Variants in BRCA1 observed in about 807,000 individuals in gnomAD.
BRCA1 encodes the protein BRCA1 DNA repair associated.
Under a neutral mutation model 173.7 loss-of-function variants are expected in BRCA1, and 140 were observed. That is an observed-to-expected ratio of 0.81 (90% CI 0.70 to 0.93). The LOEUF (loss-of-function observed/expected upper bound fraction) is 0.93. BRCA1 is among the 40% of genes least tolerant of loss of function. The probability of loss-of-function intolerance (pLI) is 0.00; values close to 1 mark genes in which losing one functional copy is unlikely to be tolerated. For missense variants in BRCA1, 1,983 were observed against 2,172.5 expected, an observed-to-expected ratio of 0.91 and a Z score of 1.73; for synonymous variants, 662 against 756.0, an observed-to-expected ratio of 0.88 and a Z score of 2.04.
chr17:43,108,605 T>C (rs1414925411), intron 3 of BRCA1, among the ~76,000 whole-genome samples: 1 of 144,694 alleles, frequency 6.9e-6, no homozygotes, highest in Non-Finnish European at 1.5e-5. Flanking sequence ...CTTGGGAGGC[T>C]GAGGCATGAG....
In BRCA1 at chr17:43,044,539, C is replaced by T. The variant is rs746187092; in HGVS notation, c.*1139G>A. The stretch of plus-strand genomic sequence containing the variant: ...AACAGGGAGCAAAGGAAAAAAATCA[C>T]CTCAAAGAAAGCAACAGCTTCCTTC... On this transcript the variant is annotated 3_prime_UTR_variant, in exon 23 of 23. Transcript: ENST00000357654. 6 of 506,382 alleles carry T rather than the reference C, an allele frequency of 1.2e-5. No individual in the cohort carries two copies. Among genetic ancestry groups the T allele is most frequent in the Non-Finnish European group, 1.9e-5 (5 of 258,518 alleles). 31.4% of individuals were successfully genotyped at this position (506,382 alleles called of 1,614,324 possible). A position where few individuals can be genotyped will look rare whatever the true frequency, so the allele number is the denominator to read the frequency against.
chr17:43,048,497 A>C (rs1597800474), intron 21 of BRCA1, among the ~76,000 whole-genome samples: 2 of 141,162 alleles, frequency 1.4e-5, no homozygotes, highest in Admixed American at 1.4e-4. Context: ...GAGCCACCGC[A>C]CCTAGCTTTT....
At chr17:43,103,121 G>A (rs2154546347) in intron 6 of BRCA1, among the ~76,000 whole-genome samples, 1 of 152,254 alleles carries the variant, frequency 6.6e-6, no homozygotes, top group Middle Eastern at 3.4e-3. Flanking sequence ...GGCTATTTTA[G>A]ATAAGCATCA....
At chr17:43,126,996 C>T, upstream of BRCA1, among the ~76,000 whole-genome samples, 1 of 152,202 alleles carries the variant, frequency 6.6e-6, no homozygotes, top group Non-Finnish European at 1.5e-5. Flanking sequence ...CCGGGTCCCC[C>T]AGCACTGCCG....
In BRCA1 at chr17:43,079,680, T is replaced by G. The variant is rs922380951; in HGVS notation, c.4357+2724A>C. ...AAAGAGAAAGGTACGTGGGTTCAACTGAAGCACCAGCCTGCTCCACCCAGA... is the reference window on the plus strand; with the variant it reads ...AAAGAGAAAGGTACGTGGGTTCAACGGAAGCACCAGCCTGCTCCACCCAGA... On this transcript the variant is annotated intron_variant, in intron 12 of 22. Transcript: ENST00000357654. The G allele has an allele frequency of 6.8e-6, 7 of 1,031,406 alleles. No individual in the cohort carries two copies. In the African/African-American group the frequency reaches 7.8e-5, roughly 12 times the overall value. The allele number at this position is 1,031,406 out of a possible 1,614,324, so 63.9% of individuals were successfully genotyped here. A position where few individuals can be genotyped will look rare whatever the true frequency, so the allele number is the denominator to read the frequency against.
At chr17:43,152,238 T>C (rs761011144) in intron 1 of BRCA1, among the ~76,000 whole-genome samples, 1 of 152,190 alleles carries the variant, frequency 6.6e-6, no homozygotes, top group Non-Finnish European at 1.5e-5. Context: ...CTCTCTTTAT[T>C]TTTGGTTATG....
At chr17:43,144,365 C>T (rs1567831265) in intron 1 of BRCA1, 1 of 175,000 alleles carries the variant, frequency 5.7e-6, no homozygotes, top group Non-Finnish European at 1.2e-5. Flanking sequence ...GCCCAGTGAT[C>T]CTATGAGAGG....
At chr17:43,120,491 C>A (rs573541495) in intron 2 of BRCA1, among the ~76,000 whole-genome samples, 3 of 152,170 alleles carry the variant, frequency 2.0e-5, no homozygotes, top group Non-Finnish European at 4.4e-5. Context: ...TAAGGCCGGG[C>A]GCGGTGGCTC....
At position 43,107,062 on chromosome 17, in the gene BRCA1, A is replaced by ATTTT. The variant is rs35202419; in HGVS notation, c.135-533_135-530dup. ...TTCAACAATAATAAATACCAAGACA[A>ATTTT]TTTTTTTTTTTTTTTTTTTTGAGAC... On this transcript the variant is annotated intron_variant, in intron 3 of 22. Transcript: ENST00000357654. 3.3e-4 allele frequency among the ~76,000 whole-genome samples: 42 copies of ATTTT among 126,814 alleles called. 2 individuals carry two copies. Among genetic ancestry groups the ATTTT allele is most frequent in the Non-Finnish European group, 3.5e-4 (22 of 62,356 alleles). The allele number at this position is 126,814 out of a possible 152,430, so 83.2% of individuals were successfully genotyped here. A position where few individuals can be genotyped will look rare whatever the true frequency, so the allele number is the denominator to read the frequency against.
intron 2 of BRCA1, among the ~76,000 whole-genome samples, chr17:43,123,147 C>T (rs978713361): frequency 1.2e-4 from 18 of 151,768 alleles, no homozygotes; most frequent in Admixed American, 2.0e-4. Flanking sequence ...GGGAGGATTG[C>T]TTGAGCCTGA....
chr17:43,070,818 G>C (rs1161533034), intron 15 of BRCA1, 110 bp downstream of exon 15: 1 of 1,286,848 alleles, frequency 7.8e-7, no homozygotes, highest in Non-Finnish European at 1.1e-6. Context: ...AACTGTGATT[G>C]TTTTCTAGAT....
At position 43,094,816 on chromosome 17, in the gene BRCA1, G is replaced by A. The variant is rs1270749718; in HGVS notation, c.715C>T (p.His239Tyr). Residue 239 changes from histidine (H) to tyrosine (Y), a missense_variant, in exon 10 of 23, where the codon CAT (histidine) becomes TAT (tyrosine). By Grantham distance (83) the His-to-Tyr change is moderately conservative. Coordinates refer to ENST00000357654, the MANE Select transcript of BRCA1 (RefSeq NM_007294.4). ...TTCAAATCATTATTACTGGGTTGAT[G>A]ATGTTCAGTATTTGTTACATCCGTC... ...SETDVTNTEHHQPSNNDLNTT... is the reference protein window; with the variant it reads ...SETDVTNTEHYQPSNNDLNTT... The A allele has an allele frequency of 1.2e-6, 2 of 1,613,446 alleles. No individual in the cohort carries two copies. Among genetic ancestry groups the A allele is most frequent in the African/African-American group, 2.7e-5 (2 of 74,810 alleles).
At chr17:43,108,154 A>G (rs1567813384) in intron 3 of BRCA1, among the ~76,000 whole-genome samples, 2 of 152,266 alleles carry the variant, frequency 1.3e-5, no homozygotes, top group Middle Eastern at 3.4e-3. Flanking sequence ...CCTGGCCAAC[A>G]TGGTGAAACC....
intron 1 of BRCA1, 95 bp downstream of exon 1, chr17:43,125,176 G>T: frequency 2.2e-6 from 1 of 445,352 alleles, no homozygotes; most frequent in Non-Finnish European, 4.4e-6. Context: ...CCCCGTCAAA[G>T]AATACCCATC....
chr17:43,063,237 T>G (rs1219068339), intron 18 of BRCA1, 96 bp downstream of exon 18: 2 of 1,028,254 alleles, frequency 1.9e-6, no homozygotes, highest in Admixed American at 3.7e-5. Flanking sequence ...TGTGCATTGT[T>G]AAGGAAAGTG....
chr17:43,109,584 G>C (rs1377002087), intron 3 of BRCA1, among the ~76,000 whole-genome samples: 1 of 152,074 alleles, frequency 6.6e-6, no homozygotes, highest in Non-Finnish European at 1.5e-5. Context: ...GGAAGATGAG[G>C]CTGTCAAAAA....
chr17:43,084,276 C>T (rs553608949), intron 11 of BRCA1, among the ~76,000 whole-genome samples: 36 of 152,242 alleles, frequency 2.4e-4, no homozygotes, highest in African/African-American at 7.9e-4. Context: ...ATGATCCTCC[C>T]GCCTCGGCCT....
At chr17:43,149,265 GTTTTTTTTT>G (rs57452879) in intron 1 of BRCA1, among the ~76,000 whole-genome samples, 2 of 116,926 alleles carry the variant, frequency 1.7e-5, no homozygotes. Context: ...CACCGGGCTA[GTTTTTTTTT>G]TTTTTTTTTT....
rs200358748 is a variant in BRCA1 at position 43,104,117 on chromosome 17, T to C, written c.441+5A>G. On this transcript the variant is annotated splice_donor_5th_base_variant and intron_variant, in intron 6 of 22. Coordinates refer to ENST00000357654, the MANE Select transcript of BRCA1 (RefSeq NM_007294.4). Reference sequence around the variant, plus strand: ...GAAGAAGAAGAAGAAAACAAATGGTTTTACCAAGGAAGGATTTTCGGGTTC... The same window carrying C: ...GAAGAAGAAGAAGAAAACAAATGGTCTTACCAAGGAAGGATTTTCGGGTTC... 3 of 1,612,452 alleles carry C rather than the reference T, an allele frequency of 1.9e-6. No homozygotes were observed. Among genetic ancestry groups the C allele is most frequent in the Non-Finnish European group, 2.5e-6 (3 of 1,179,236 alleles).
Sources: gnomAD v4.1 joint callset for allele counts (sites outside exome capture counted in the v4.1 genomes callset) on GRCh38, gnomAD v4.1.1 for gene constraint, MANE v1.5 for transcripts, NCBI Gene and HGNC (gene_info 2026-07-23, HGNC 2026-07-21) for gene names.